BBS9: variants seen among roughly 807,000 people sequenced by gnomAD.
BBS9 encodes the protein protein PTHB1.
BBS9 carries 89 observed loss-of-function variants against 117.7 expected under a neutral mutation model. The observed-to-expected ratio is 0.76, with a 90% CI of 0.64 to 0.90. The LOEUF (loss-of-function observed/expected upper bound fraction) is 0.90, where lower values mean the gene tolerates loss of function less well. Ranked by LOEUF, BBS9 falls within the 40% of genes least tolerant of loss-of-function variation. The pLI, the probability that BBS9 is intolerant of heterozygous loss-of-function variation, is 0.00. For synonymous variants in BBS9, 379 were observed against 370.9 expected, an observed-to-expected ratio of 1.02 and a Z score of -0.25; for missense variants, 982 against 1,042.2, an observed-to-expected ratio of 0.94 and a Z score of 0.80.
chr7:33,337,795 G>A (rs1001600310), intron 10 of BBS9, among the ~76,000 whole-genome samples: 5 of 151,886 alleles, frequency 3.3e-5, no homozygotes, highest in Non-Finnish European at 7.4e-5. Context: ...GTCTTGTTTT[G>A]TCATTTAAAA....
chr7:33,138,682 T>C (rs1339915421), intron 1 of BBS9, among the ~76,000 whole-genome samples: 1 of 150,962 alleles, frequency 6.6e-6, no homozygotes, highest in Non-Finnish European at 1.5e-5. Flanking sequence ...TTGTCCAGGC[T>C]GGAGTGCAGG....
intron 21 of BBS9, among the ~76,000 whole-genome samples, chr7:33,621,687 G>T (rs1355503488): frequency 6.6e-6 from 1 of 152,024 alleles, no homozygotes; most frequent in African/African-American, 2.4e-5. Flanking sequence ...ATATCCAAAG[G>T]AAATAAAATA....
intron 19 of BBS9, among the ~76,000 whole-genome samples, chr7:33,436,037 G>A (rs544447094): frequency 6.6e-6 from 1 of 152,090 alleles, no homozygotes; most frequent in African/African-American, 2.4e-5. Flanking sequence ...GAGAATTAAC[G>A]TATTTGTAGT....
intron 21 of BBS9, among the ~76,000 whole-genome samples, chr7:33,563,274 C>T (rs965885288): frequency 1.3e-5 from 2 of 152,168 alleles, no homozygotes; most frequent in African/African-American, 2.4e-5. Flanking sequence ...ATGCATTTCA[C>T]TTCAACTTTA....
chr7:33,458,911 C>A (rs1033916163), intron 19 of BBS9, among the ~76,000 whole-genome samples: 1 of 152,118 alleles, frequency 6.6e-6, no homozygotes, highest in Non-Finnish European at 1.5e-5. Context: ...AACTGGCAGG[C>A]TGTTGTCCTT....
At chr7:33,487,997 T>TGTGA (rs1554504944) in intron 19 of BBS9, among the ~76,000 whole-genome samples, 5 of 152,160 alleles carry the variant, frequency 3.3e-5, no homozygotes, top group African/African-American at 9.7e-5. Flanking sequence ...ATTATAAAAC[T>TGTGA]GTGACAGTGA....
chr7:33,623,930 G>T (rs1449052765), intron 21 of BBS9, among the ~76,000 whole-genome samples: 1 of 151,868 alleles, frequency 6.6e-6, no homozygotes, highest in African/African-American at 2.4e-5. Context: ...GGGCCAGAAG[G>T]CCTGTTTTAT....
chr7:33,604,931 T>A lies in BBS9; in HGVS notation c.2588T>A (p.Leu863Gln). 1.2e-6 allele frequency: 2 copies of A among 1,613,874 alleles called. No individual in the cohort carries two copies. Among genetic ancestry groups the A allele is most frequent in the Non-Finnish European group, 1.7e-6 (2 of 1,179,826 alleles). Residue 863 changes from leucine to glutamine, a missense_variant, in exon 22 of 23, where the codon CTG becomes CAG. Transcript: ENST00000242067. ...TCAGTAGAACAAGACTCTACAGAAC[T>A]GTTTACCAACCACAGACATCTCACT... Reference protein sequence around the residue: ...ERSVEQDSTELFTNHRHLTAE... With the variant: ...ERSVEQDSTEQFTNHRHLTAE...
At chr7:33,415,160 C>A (rs909127988) in intron 19 of BBS9, among the ~76,000 whole-genome samples, 12 of 151,968 alleles carry the variant, frequency 7.9e-5, no homozygotes, top group African/African-American at 2.9e-4. Context: ...AAGTCTATGG[C>A]AAATTAAAGA....
intron 5 of BBS9, among the ~76,000 whole-genome samples, chr7:33,239,533 C>T (rs544155249): frequency 3.9e-5 from 6 of 152,172 alleles, no homozygotes; most frequent in Admixed American, 3.3e-4. Context: ...CCTCAGTCTC[C>T]CAAGTAGCTG....
chr7:33,419,019 T>A (rs1045356075), intron 19 of BBS9, among the ~76,000 whole-genome samples: 1 of 152,206 alleles, frequency 6.6e-6, no homozygotes, highest in Non-Finnish European at 1.5e-5. Context: ...CATTATGCAA[T>A]TGGGTAGTAT....
chr7:33,635,425 G>T (rs946839486), exon 22 of BBS9, among the ~76,000 whole-genome samples: 1 of 152,188 alleles, frequency 6.6e-6, no homozygotes, highest in African/African-American at 2.4e-5. Context: ...AGCCAAGGGG[G>T]TGCCAGGGAG....
chr7:33,279,315 A>G (rs915280575), intron 9 of BBS9, among the ~76,000 whole-genome samples: 13 of 152,212 alleles, frequency 8.5e-5, no homozygotes, highest in African/African-American at 2.9e-4. Flanking sequence ...GCCTCAAGTG[A>G]TCCTCCCACC....
Position 33,351,317 on chromosome 7 carries a change from C to A in BBS9, c.1531C>A (p.Pro511Thr). The change falls in exon 14 of 23, where the codon CCA becomes ACA. Residue 511 changes from proline (P) to threonine (T), a missense_variant. By Grantham distance (38) the Pro-to-Thr change is conservative. Transcript: ENST00000242067. ...EGNAVVSYSRPTDRNPDGIPR... is the reference protein window; with the variant it reads ...EGNAVVSYSRTTDRNPDGIPR... ...AAATGCTGTTGTTTCTTATTCCAGACCAACAGGTAAACATACAGGCTTAAT... is the reference window on the plus strand; with the variant it reads ...AAATGCTGTTGTTTCTTATTCCAGAACAACAGGTAAACATACAGGCTTAAT... The A allele has an allele frequency of 2.5e-6, 4 of 1,597,186 alleles. No individual in the cohort carries two copies. Among genetic ancestry groups the A allele is most frequent in the Non-Finnish European group, 3.4e-6 (4 of 1,164,744 alleles).
chr7:33,359,740 C>CT (rs1419483221), intron 16 of BBS9, among the ~76,000 whole-genome samples: 3 of 151,916 alleles, frequency 2.0e-5, no homozygotes, highest in Admixed American at 6.6e-5. Flanking sequence ...AATTAATGAG[C>CT]TTTATAGAGA....
At chr7:33,152,275 T>C (rs1793459862) in intron 2 of BBS9, among the ~76,000 whole-genome samples, 1 of 152,138 alleles carries the variant, frequency 6.6e-6, no homozygotes, top group Admixed American at 6.5e-5. Flanking sequence ...ACATTGCTTA[T>C]CAAGGCACTC....
At chr7:33,164,264 T>A (rs956028913) in intron 4 of BBS9, among the ~76,000 whole-genome samples, 3 of 152,214 alleles carry the variant, frequency 2.0e-5, no homozygotes, top group African/African-American at 4.8e-5. Flanking sequence ...TGTGGTCAAT[T>A]TTTGAATAAG....
chr7:33,243,109 T>A, intron 5 of BBS9: 1 of 423,636 alleles, frequency 2.4e-6, no homozygotes, highest in South Asian at 1.8e-5. Context: ...GTCTTTCATT[T>A]GGTTCTGTTA....
chr7:33,188,929 A>C (rs557402725), intron 5 of BBS9, among the ~76,000 whole-genome samples: 1 of 152,346 alleles, frequency 6.6e-6, no homozygotes, highest in East Asian at 1.9e-4. Context: ...TTGAGAACAC[A>C]TCATGAAATC....
Sources: allele counts gnomAD v4.1 joint callset (sites outside exome capture counted in the v4.1 genomes callset), GRCh38; gene constraint gnomAD v4.1.1; transcripts MANE v1.5; gene names NCBI Gene and HGNC (gene_info 2026-07-23, HGNC 2026-07-21).